ADGRD1: variants seen among roughly 807,000 people sequenced by gnomAD.
ADGRD1 encodes adhesion G protein-coupled receptor D1, also known as G-protein coupled receptor 133.
A neutral mutation model predicts 113.4 loss-of-function variants in ADGRD1; 77 were observed. The observed-to-expected ratio is 0.68, with a 90% confidence interval of 0.57 to 0.82. ADGRD1 has a LOEUF of 0.82. ADGRD1 is among the 40% of genes least tolerant of loss of function. The pLI is 0.00. For missense variants in ADGRD1, 1,036 were observed against 1,139.1 expected, an observed-to-expected ratio of 0.91 and a Z score of 1.30; for synonymous variants, 474 against 475.0, an observed-to-expected ratio of 1.00 and a Z score of 0.03.
At chr12:131,132,643 C>T (rs1472659590) in intron 21 of ADGRD1, among the ~76,000 whole-genome samples, 2 of 152,184 alleles carry the variant, frequency 1.3e-5, no homozygotes, top group African/African-American at 4.8e-5. Context: ...AGTCCCTGTC[C>T]CACCTGCTGA....
intron 13 of ADGRD1, among the ~76,000 whole-genome samples, chr12:131,014,553 G>A: frequency 6.6e-6 from 1 of 152,220 alleles, no homozygotes; most frequent in Non-Finnish European, 1.5e-5. Flanking sequence ...TGGCCACGCG[G>A]TGTCGATGTT....
At position 131,046,673 on chromosome 12, in the gene ADGRD1, GTCA is replaced by G. The variant is rs1369979991; in HGVS notation, c.1474-30127_1474-30125del. 6.9e-5 allele frequency among the ~76,000 whole-genome samples: 9 copies of G among 129,970 alleles called. 2 individuals are homozygous for G. Among genetic ancestry groups the G allele is most frequent in the Admixed American group, 3.8e-4 (5 of 12,994 alleles). The allele number at this position is 129,970 out of a possible 152,430, so 85.3% of individuals were successfully genotyped here. A position where few individuals can be genotyped will look rare whatever the true frequency, so the allele number is the denominator to read the frequency against. Reference sequence around the variant, plus strand: ...CCCTCCCTGGTCAGTGTCCTCCCTGGTCAGTGCCCCCTCCCTGGGCAGTGTCCT... The same window carrying G: ...CCCTCCCTGGTCAGTGTCCTCCCTGGGTGCCCCCTCCCTGGGCAGTGTCCT... On this transcript the variant is annotated intron_variant, in intron 13 of 24. Coordinates refer to ENST00000261654, the MANE Select transcript of ADGRD1 (RefSeq NM_198827.5).
chr12:130,985,208 C>T (rs77830779), intron 5 of ADGRD1, among the ~76,000 whole-genome samples: 309 of 151,816 alleles, frequency 2.0e-3, no homozygotes, highest in African/African-American at 7.2e-3. Flanking sequence ...AAATGCGGGT[C>T]GTTTGTTTTC....
At chr12:131,124,739 G>A (rs887610048) in intron 20 of ADGRD1, among the ~76,000 whole-genome samples, 31 of 151,792 alleles carry the variant, frequency 2.0e-4, no homozygotes, top group African/African-American at 5.1e-4. Flanking sequence ...AATTGTTCTC[G>A]GCTCTAACAC....
intron 13 of ADGRD1, among the ~76,000 whole-genome samples, chr12:131,031,441 C>T (rs1880727030): frequency 6.6e-6 from 1 of 152,112 alleles, no homozygotes; most frequent in Admixed American, 6.5e-5. Context: ...TGACCATTTA[C>T]ACAGCTTGAG....
chr12:131,007,813 T>C (rs1434189277), intron 12 of ADGRD1, among the ~76,000 whole-genome samples: 1 of 152,248 alleles, frequency 6.6e-6, no homozygotes, highest in African/African-American at 2.4e-5. Context: ...TGCAGTGAAG[T>C]TGGATCTTCA....
At chr12:131,014,765 G>A (rs57728174) in intron 13 of ADGRD1, among the ~76,000 whole-genome samples, 11,428 of 152,196 alleles carry the variant, frequency 0.075, 1,172 homozygotes, top group African/African-American at 0.24. Context: ...CCATTTTTAC[G>A]CTTCAGGCAT....
intron 13 of ADGRD1, among the ~76,000 whole-genome samples, chr12:131,073,466 T>A (rs1885336387): frequency 6.6e-6 from 1 of 152,136 alleles, no homozygotes; most frequent in Admixed American, 6.5e-5. Context: ...TGCTCTGGGG[T>A]CAGTATTTCG....
chr12:131,125,548 A>G (rs1248566488), intron 20 of ADGRD1, among the ~76,000 whole-genome samples: 1 of 152,260 alleles, frequency 6.6e-6, no homozygotes, highest in Non-Finnish European at 1.5e-5. Context: ...ATAGAGACAG[A>G]TACACAGATG....
rs1555257999 is a variant in ADGRD1 at position 131,070,775 on chromosome 12, C to G, written c.1474-6026C>G. 4.6e-5 allele frequency: 24 copies of G among 517,290 alleles called. 1 individual carries two copies. Among genetic ancestry groups the G allele is most frequent in the South Asian group, 3.4e-4 (24 of 71,450 alleles). 32.0% of individuals were successfully genotyped at this position (517,290 alleles called of 1,614,324 possible). On this transcript the variant is annotated intron_variant, in intron 13 of 24. Coordinates refer to ENST00000261654, the MANE Select transcript of ADGRD1 (RefSeq NM_198827.5). ...TTCCTGGCCCCACCCACAGCCTTAG[C>G]TGATTGGACTGTGGAGTACATGTGA... is the stretch of plus-strand genomic sequence containing the variant.
rs75256391 is a variant in ADGRD1, at chr12:131,130,138, T to G, written c.2176-1587T>G. 6.0e-3 allele frequency among the ~76,000 whole-genome samples: 907 copies of G among 152,310 alleles called. 9 individuals carry two copies. Among genetic ancestry groups the G allele is most frequent in the African/African-American group, 0.019 (808 of 41,566 alleles). ...CTCGTCGTTACACAGTGAGGTTGGC[T>G]GGGGGGCATCAGCGTTTCTGGACAT... On this transcript the variant is annotated intron_variant, in intron 20 of 24. Transcript: ENST00000261654.
intron 13 of ADGRD1, among the ~76,000 whole-genome samples, chr12:131,016,126 C>T (rs527532766): frequency 4.6e-5 from 7 of 152,366 alleles, no homozygotes; most frequent in Non-Finnish European, 8.8e-5. Context: ...TTCTCTCCTC[C>T]AAGCCCTCTG....
intron 13 of ADGRD1, among the ~76,000 whole-genome samples, chr12:131,066,348 G>A (rs1031802533): frequency 3.3e-5 from 5 of 152,192 alleles, no homozygotes; most frequent in Admixed American, 1.3e-4. Context: ...TGCTCACTCC[G>A]AGGGGTGACT....
intron 2 of ADGRD1, among the ~76,000 whole-genome samples, chr12:130,960,731 T>A (rs1870251624): frequency 6.6e-6 from 1 of 151,780 alleles, no homozygotes; most frequent in African/African-American, 2.4e-5. Flanking sequence ...ACAATGTAAA[T>A]AGAACATTCA....
rs373611338 is a variant in ADGRD1, at chr12:131,122,502, G to A, written c.2175+1589G>A. Among the ~76,000 whole-genome samples, 1,321 of 152,124 alleles carry A rather than the reference G, an allele frequency of 8.7e-3. 11 individuals carry two copies. The highest frequency in any genetic ancestry group is 0.029 in the African/African-American group (1,195 of 41,436). ...AGAGGCTTCAGGGAGAGGTCCCCGCGCTCTCTGGGGGTCTGGGAGGACCAT... is the reference window on the plus strand; with the variant it reads ...AGAGGCTTCAGGGAGAGGTCCCCGCACTCTCTGGGGGTCTGGGAGGACCAT... On this transcript the variant is annotated intron_variant, in intron 20 of 24. Coordinates refer to ENST00000261654, the MANE Select transcript of ADGRD1 (RefSeq NM_198827.5).
chr12:130,990,941 A>T, intron 6 of ADGRD1, 73 bp from the exon 7 acceptor site: 1 of 1,178,854 alleles, frequency 8.5e-7, no homozygotes. Flanking sequence ...TACATTTTTA[A>T]CAAGGACAGG....
intron 2 of ADGRD1, among the ~76,000 whole-genome samples, chr12:130,960,566 A>ATT (rs36014104): frequency 6.6e-6 from 1 of 151,652 alleles, no homozygotes; most frequent in Admixed American, 6.6e-5. Context: ...TTATTTATTT[A>ATT]TTTTTGCATT....
At chr12:131,071,473 T>C (rs968392477) in intron 13 of ADGRD1, among the ~76,000 whole-genome samples, 1 of 151,978 alleles carries the variant, frequency 6.6e-6, no homozygotes, top group African/African-American at 2.4e-5. Flanking sequence ...GGAAGGGTAA[T>C]GTGAGTGGGG....
chr12:130,956,640 A>T (rs1415174629), intron 2 of ADGRD1: 1 of 152,254 alleles, frequency 6.6e-6, no homozygotes, highest in Non-Finnish European at 1.5e-5. Flanking sequence ...AGAGCTGTGC[A>T]CCCGGCTCCT....
Sources: gnomAD v4.1 joint callset for allele counts (sites outside exome capture counted in the v4.1 genomes callset) on GRCh38, gnomAD v4.1.1 for gene constraint, MANE v1.5 for transcripts, NCBI Gene and HGNC (gene_info 2026-07-23, HGNC 2026-07-21) for gene names.